PTPRG: variants seen among roughly 807,000 people sequenced by gnomAD.
The protein encoded by PTPRG is receptor-type tyrosine-protein phosphatase gamma.
A neutral mutation model predicts 165.3 loss-of-function variants in PTPRG; 102 were observed. The observed-to-expected ratio is 0.62, with a 90% CI of 0.53 to 0.73. The LOEUF (loss-of-function observed/expected upper bound fraction) is 0.73. PTPRG is among the 30% of genes least tolerant of loss of function. The pLI is 0.00. For synonymous variants in PTPRG, 675 were observed against 669.5 expected (o/e 1.01, Z -0.13); for missense variants, 1,866 against 1,861.4 (o/e 1.00, Z -0.05).
At chr3:62,116,039 TATTG>T (rs1217629405) in intron 5 of PTPRG, among the ~76,000 whole-genome samples, 5 of 152,206 alleles carry the variant, frequency 3.3e-5, no homozygotes, top group Non-Finnish European at 7.3e-5. Flanking sequence ...GTAAGAGGTT[TATTG>T]TCAGTGTTGT....
intron 1 of PTPRG, among the ~76,000 whole-genome samples, chr3:61,678,715 G>A (rs953593646): frequency 7.2e-5 from 11 of 152,068 alleles, no homozygotes; most frequent in South Asian, 2.1e-4. Context: ...CTTCCCAGAC[G>A]TGTCATAATC....
intron 2 of PTPRG, among the ~76,000 whole-genome samples, chr3:61,980,830 T>C (rs1445125343): frequency 6.6e-6 from 1 of 152,224 alleles, no homozygotes; most frequent in Non-Finnish European, 1.5e-5. Context: ...GGCCTTCAGC[T>C]GCTTCCCTCC....
chr3:62,057,178 C>A (rs1700661283), intron 4 of PTPRG, among the ~76,000 whole-genome samples: 1 of 152,088 alleles, frequency 6.6e-6, no homozygotes, highest in Non-Finnish European at 1.5e-5. Flanking sequence ...TGGGCCTTAC[C>A]TGAGAAGGAA....
intron 8 of PTPRG, among the ~76,000 whole-genome samples, chr3:62,170,916 A>G (rs1224670100): frequency 6.6e-6 from 1 of 152,170 alleles, no homozygotes; most frequent in Non-Finnish European, 1.5e-5. Context: ...CTAGGATCTC[A>G]GGACTCCCCC....
At chr3:62,215,035 G>A (rs548343327) in intron 12 of PTPRG, among the ~76,000 whole-genome samples, 276 of 152,280 alleles carry the variant, frequency 1.8e-3, no homozygotes, top group African/African-American at 6.4e-3. Context: ...GCAGAGAGGC[G>A]GGACCATGGC....
At chr3:61,858,270 A>G (rs986448665) in intron 2 of PTPRG, among the ~76,000 whole-genome samples, 3 of 152,236 alleles carry the variant, frequency 2.0e-5, no homozygotes, top group South Asian at 2.1e-4. Flanking sequence ...CACTACTACC[A>G]GAAGCCTAGT....
intron 4 of PTPRG, among the ~76,000 whole-genome samples, chr3:62,051,738 T>G (rs762554679): frequency 1.3e-5 from 2 of 152,190 alleles, no homozygotes; most frequent in African/African-American, 4.8e-5. Context: ...GTTTTGTCAA[T>G]TAAAAGAAAG....
chr3:61,685,316 A>G (rs1300002475), intron 1 of PTPRG, among the ~76,000 whole-genome samples: 1 of 152,176 alleles, frequency 6.6e-6, no homozygotes, highest in Non-Finnish European at 1.5e-5. Flanking sequence ...GTTTGGTTAG[A>G]AAGGAAGTCT....
At chr3:61,586,816 G>C (rs1700446290) in intron 1 of PTPRG, among the ~76,000 whole-genome samples, 1 of 152,230 alleles carries the variant, frequency 6.6e-6, no homozygotes, top group South Asian at 2.1e-4. Context: ...AGCATCATCA[G>C]ACAGACTGGG....
chr3:62,122,032 C>G (rs184978334), intron 5 of PTPRG, among the ~76,000 whole-genome samples: 4 of 152,280 alleles, frequency 2.6e-5, no homozygotes, highest in East Asian at 1.9e-4. Context: ...ATGTCCTCCT[C>G]GAGATGGGGC....
intron 1 of PTPRG, among the ~76,000 whole-genome samples, chr3:61,601,736 C>G (rs187290827): frequency 1.3e-5 from 2 of 152,162 alleles, no homozygotes; most frequent in East Asian, 1.9e-4. Flanking sequence ...TGGGGGGAAA[C>G]AGACTAACAT....
At chr3:62,171,831 C>G (rs1705228382) in intron 8 of PTPRG, among the ~76,000 whole-genome samples, 1 of 152,056 alleles carries the variant, frequency 6.6e-6, no homozygotes, top group Non-Finnish European at 1.5e-5. Context: ...CCATTTATTT[C>G]TGGAACATTT....
intron 2 of PTPRG, among the ~76,000 whole-genome samples, chr3:61,892,401 G>A (rs1454695438): frequency 1.3e-5 from 2 of 152,130 alleles, no homozygotes. Context: ...TTTTTGTAGG[G>A]ATAGGGTCTT....
intron 2 of PTPRG, among the ~76,000 whole-genome samples, chr3:61,834,547 G>T (rs891910950): frequency 1.3e-5 from 2 of 152,164 alleles, no homozygotes; most frequent in African/African-American, 2.4e-5. Flanking sequence ...TGCCACGGTG[G>T]CTCATGCCTG....
chr3:61,875,046 TCTC>T (rs1271758033), intron 2 of PTPRG, among the ~76,000 whole-genome samples: 1 of 152,180 alleles, frequency 6.6e-6, no homozygotes, highest in Non-Finnish European at 1.5e-5. Flanking sequence ...TTCTCACTCT[TCTC>T]TTTCCTCTGC....
intron 4 of PTPRG, among the ~76,000 whole-genome samples, chr3:62,042,610 T>C (rs889368953): frequency 2.0e-5 from 3 of 152,176 alleles, no homozygotes; most frequent in African/African-American, 7.2e-5. Flanking sequence ...GGTCTCAGCT[T>C]AGCTGCTTCA....
intron 2 of PTPRG, among the ~76,000 whole-genome samples, chr3:61,952,501 AT>A (rs1342834821): frequency 3.3e-5 from 5 of 152,150 alleles, no homozygotes; most frequent in Non-Finnish European, 7.3e-5. Flanking sequence ...CAACTTCATA[AT>A]GGCTAAAATT....
chr3:61,755,066 G>A (rs2033588072), intron 2 of PTPRG, among the ~76,000 whole-genome samples: 3 of 151,098 alleles, frequency 2.0e-5, no homozygotes. Flanking sequence ...TCCGCCTGTC[G>A]CCCTGATCTC....
chr3:62,008,773 C>G (rs959727156), intron 4 of PTPRG, among the ~76,000 whole-genome samples: 1 of 152,132 alleles, frequency 6.6e-6, no homozygotes, highest in African/African-American at 2.4e-5. Context: ...AGCCTAGATC[C>G]CTCGCACGTG....
Sources: allele counts gnomAD v4.1 joint callset (sites outside exome capture counted in the v4.1 genomes callset), GRCh38; gene constraint gnomAD v4.1.1; transcripts MANE v1.5; gene names NCBI Gene and HGNC (gene_info 2026-07-23, HGNC 2026-07-21).